Variants in DAPP1 observed in about 807,000 individuals in gnomAD.
DAPP1 encodes the protein dual adaptor of phosphotyrosine and 3-phosphoinositides 1.
Under a neutral mutation model 41.5 loss-of-function variants are expected in DAPP1, and 20 were observed. That is an observed-to-expected ratio of 0.48 (90% CI 0.34 to 0.70). DAPP1 has a LOEUF of 0.70. Ranked by LOEUF, DAPP1 falls within the 30% of genes least tolerant of loss-of-function variation. DAPP1 has a pLI of 0.01. For missense variants in DAPP1, 233 were observed against 333.4 expected (o/e 0.70, Z 2.35); for synonymous variants, 113 against 116.2 (o/e 0.97, Z 0.18).
chr4:99,861,549 G>T (rs1490997972), intron 4 of DAPP1, 29 bp from the exon 5 acceptor site: 1 of 1,559,402 alleles, frequency 6.4e-7, no homozygotes, highest in Non-Finnish European at 8.7e-7. Flanking sequence ...TGACAGTTCT[G>T]GTCTTCACTC....
At chr4:99,855,164 C>A (rs1000273184) in intron 4 of DAPP1, among the ~76,000 whole-genome samples, 1 of 152,198 alleles carries the variant, frequency 6.6e-6, no homozygotes, top group Non-Finnish European at 1.5e-5. Flanking sequence ...GCAACCAATT[C>A]TTGTTTTCCA....
chr4:99,838,058 C>T (rs114694377), intron 2 of DAPP1, among the ~76,000 whole-genome samples: 3 of 152,080 alleles, frequency 2.0e-5, no homozygotes, highest in Admixed American at 6.6e-5. Context: ...AAATGAGCTT[C>T]GCTAGCTCAC....
At chr4:99,847,421 G>GT (rs1481629117) in intron 3 of DAPP1, among the ~76,000 whole-genome samples, 1 of 152,036 alleles carries the variant, frequency 6.6e-6, no homozygotes, top group African/African-American at 2.4e-5. Flanking sequence ...ACACATAACT[G>GT]TAAGTTACCA....
intron 4 of DAPP1, 84 bp downstream of exon 4, chr4:99,853,432 T>A: frequency 6.7e-7 from 1 of 1,491,842 alleles, no homozygotes; most frequent in Non-Finnish European, 9.0e-7. Context: ...AGTGTATTTG[T>A]TCACATAAAA....
chr4:99,856,649 C>T (rs1263430023), intron 4 of DAPP1, among the ~76,000 whole-genome samples: 1 of 152,168 alleles, frequency 6.6e-6, no homozygotes, highest in Non-Finnish European at 1.5e-5. Flanking sequence ...TGTCAAGAGC[C>T]ATGAAGAGTC....
chr4:99,858,574 A>G (rs1021338766), intron 4 of DAPP1, among the ~76,000 whole-genome samples: 1 of 152,198 alleles, frequency 6.6e-6, no homozygotes, highest in Admixed American at 6.5e-5. Context: ...GTTATTTGAG[A>G]CTATAAGAAT....
intron 3 of DAPP1, among the ~76,000 whole-genome samples, chr4:99,843,109 C>T (rs180718707): frequency 2.6e-4 from 40 of 152,310 alleles, no homozygotes; most frequent in Middle Eastern, 3.4e-3. Flanking sequence ...CTGCTCTCAG[C>T]CAGACCCCAC....
At chr4:99,847,788 G>A (rs1182465428) in intron 3 of DAPP1, among the ~76,000 whole-genome samples, 1 of 142,926 alleles carries the variant, frequency 7.0e-6, no homozygotes, top group Non-Finnish European at 1.5e-5. Context: ...CTGTGGTAGC[G>A]ACAGTAGATA....
chr4:99,835,239 C>T (rs949005808), intron 1 of DAPP1, among the ~76,000 whole-genome samples: 3 of 152,108 alleles, frequency 2.0e-5, no homozygotes, highest in East Asian at 3.9e-4. Flanking sequence ...GAACCCCTGA[C>T]CTCAAGTGAT....
chr4:99,863,195 G>A, intron 6 of DAPP1, 123 bp downstream of exon 6: 1 of 616,506 alleles, frequency 1.6e-6, no homozygotes, highest in Non-Finnish European at 2.7e-6. Context: ...AATGATTGGA[G>A]ATATGAATTC....
At chr4:99,837,410 G>A (rs1039421930) in intron 2 of DAPP1, among the ~76,000 whole-genome samples, 1 of 152,212 alleles carries the variant, frequency 6.6e-6, no homozygotes, top group African/African-American at 2.4e-5. Flanking sequence ...GAAACAGGTA[G>A]AGGGTGATGG....
chr4:99,843,778 A>C (rs1723574338), intron 3 of DAPP1, among the ~76,000 whole-genome samples: 1 of 152,198 alleles, frequency 6.6e-6, no homozygotes, highest in Non-Finnish European at 1.5e-5. Context: ...CTAGTGTGTG[A>C]ACTCCATGAA....
intron 1 of DAPP1, among the ~76,000 whole-genome samples, chr4:99,819,955 C>G (rs577100357): frequency 1.0e-3 from 159 of 152,174 alleles, no homozygotes; most frequent in African/African-American, 3.7e-3. Context: ...TCTAAAATAC[C>G]TAAATCAAGC....
intron 3 of DAPP1, among the ~76,000 whole-genome samples, chr4:99,842,059 C>T (rs1191734434): frequency 6.6e-6 from 1 of 152,230 alleles, no homozygotes; most frequent in African/African-American, 2.4e-5. Context: ...GAAGGCAGTG[C>T]TTTCTGGTTG....
intron 2 of DAPP1, among the ~76,000 whole-genome samples, chr4:99,838,078 G>A (rs189678792): frequency 2.9e-4 from 44 of 152,248 alleles, no homozygotes; most frequent in African/African-American, 6.7e-4. Context: ...CCCATCACTC[G>A]TTTTCTTGCT....
At chr4:99,868,089 G>A (rs2110171972) in intron 8 of DAPP1, 28 bp from the exon 9 acceptor site, 1 of 1,590,188 alleles carries the variant, frequency 6.3e-7, no homozygotes, top group Middle Eastern at 1.7e-4. Flanking sequence ...ACTCAATAAT[G>A]GATACACGTG....
chr4:99,864,583 G>A (rs1344678934), intron 7 of DAPP1, among the ~76,000 whole-genome samples: 3 of 152,096 alleles, frequency 2.0e-5, no homozygotes, highest in Non-Finnish European at 4.4e-5. Context: ...AATATCAACT[G>A]AGAATGGGTG....
intron 3 of DAPP1, among the ~76,000 whole-genome samples, chr4:99,850,725 T>A (rs1294468159): frequency 6.6e-6 from 1 of 152,216 alleles, no homozygotes; most frequent in Non-Finnish European, 1.5e-5. Context: ...TTTTTATTCC[T>A]AGCAGAATGT....
chr4:99,842,347 T>C (rs1723521900), intron 3 of DAPP1, among the ~76,000 whole-genome samples: 1 of 152,262 alleles, frequency 6.6e-6, no homozygotes, highest in Non-Finnish European at 1.5e-5. Flanking sequence ...CTAATATTTT[T>C]ATCCTCTCCA....
Sources: gnomAD v4.1 joint callset for allele counts (sites outside exome capture counted in the v4.1 genomes callset) on GRCh38, gnomAD v4.1.1 for gene constraint, MANE v1.5 for transcripts, NCBI Gene and HGNC (gene_info 2026-07-23, HGNC 2026-07-21) for gene names.